The following LRP6 variants were observed in gnomAD, a reference collection of about 807,000 sequenced individuals.
The protein encoded by LRP6 is LDL receptor related protein 6, also known as low-density lipoprotein receptor-related protein 6.
LRP6 carries 43 observed loss-of-function variants against 184.1 expected under a neutral mutation model. The ratio of observed to expected loss-of-function variants is 0.23; its 90% CI spans 0.18 to 0.30. The LOEUF is 0.30. Among genes scored for constraint, LRP6 ranks in the 10% least tolerant of loss-of-function variants. The pLI is 1.00. For missense variants in LRP6, 1,571 were observed against 2,005.3 expected (o/e 0.78, Z 4.14); for synonymous variants, 719 against 684.9 (o/e 1.05, Z -0.78).
At chr12:12,182,061 A>C (rs1863357972) in intron 5 of LRP6, among the ~76,000 whole-genome samples, 1 of 152,212 alleles carries the variant, frequency 6.6e-6, no homozygotes, top group Non-Finnish European at 1.5e-5. Context: ...AAACAGCTGC[A>C]ATGGAGGGAA....
intron 2 of LRP6, among the ~76,000 whole-genome samples, chr12:12,207,098 G>T (rs956715450): frequency 1.8e-4 from 28 of 152,316 alleles, no homozygotes; most frequent in Middle Eastern, 3.4e-3. Context: ...CCAGGTTTGT[G>T]GCATAAACAT....
intron 1 of LRP6, among the ~76,000 whole-genome samples, chr12:12,261,781 T>A (rs545353999): frequency 2.0e-5 from 3 of 152,120 alleles, no homozygotes; most frequent in Non-Finnish European, 2.9e-5. Context: ...ACTCCAAAAT[T>A]TGTTCTACTT....
chr12:12,195,000 C>A (rs1216002213), intron 3 of LRP6, among the ~76,000 whole-genome samples: 2 of 152,064 alleles, frequency 1.3e-5, no homozygotes, highest in Non-Finnish European at 2.9e-5. Flanking sequence ...TAACATCCTC[C>A]AGGTCTATCC....
chr12:12,179,846 T>C lies in LRP6; in HGVS notation c.1509A>G (p.Lys503=). 1 of 1,613,894 alleles carries C rather than the reference T, an allele frequency of 6.2e-7. No homozygotes were observed. Among genetic ancestry groups the C allele is most frequent in the South Asian group, 1.1e-5 (1 of 91,074 alleles). Residue 503 remains lysine, a synonymous_variant, in exon 7 of 23, where the codon AAA becomes AAG. Transcript: ENST00000261349. The stretch of plus-strand genomic sequence containing the variant: ...CTGTTTTGGCATCTCCCCAGTATAT[T>C]TTGCCTTCATCATAATCCAAGGCTA... ...NGLALDYDEG[K]IYWGDAKTDK...
intron 19 of LRP6, among the ~76,000 whole-genome samples, chr12:12,128,815 G>A (rs758634991): frequency 1.9e-4 from 29 of 152,144 alleles, no homozygotes; most frequent in Non-Finnish European, 3.5e-4. Context: ...CACTCAGTGA[G>A]GTACCTGTGG....
intron 2 of LRP6, among the ~76,000 whole-genome samples, chr12:12,239,667 CTT>C (rs751475862): frequency 2.8e-5 from 4 of 143,798 alleles, no homozygotes; most frequent in Admixed American, 7.0e-5. Flanking sequence ...TATTCTTTTT[CTT>C]TTTTTTTTTT....
chr12:12,218,474 CTCAAT>C (rs1242405105), intron 2 of LRP6, among the ~76,000 whole-genome samples: 1 of 94,026 alleles, frequency 1.1e-5, no homozygotes, highest in Non-Finnish European at 2.2e-5. Flanking sequence ...AAGACCCTCT[CTCAAT>C]AATAATAATA....
chr12:12,126,633 A>G, intron 20 of LRP6, 58 bp downstream of exon 20: 1 of 1,317,536 alleles, frequency 7.6e-7, no homozygotes, highest in Non-Finnish European at 1.1e-6. Flanking sequence ...TCCACAATGG[A>G]AACTGGCAGT....
intron 2 of LRP6, among the ~76,000 whole-genome samples, chr12:12,229,034 G>A (rs760011496): frequency 6.6e-6 from 1 of 152,166 alleles, no homozygotes; most frequent in African/African-American, 2.4e-5. Context: ...ACATTCTCAA[G>A]ATCTGCTAGG....
chr12:12,150,224 G>C (rs906199391), intron 13 of LRP6, among the ~76,000 whole-genome samples: 2 of 152,026 alleles, frequency 1.3e-5, no homozygotes, highest in Non-Finnish European at 2.9e-5. Flanking sequence ...GCATGTAAAT[G>C]GGTAAGATTT....
intron 2 of LRP6, among the ~76,000 whole-genome samples, chr12:12,237,601 A>G (rs1359892858): frequency 2.0e-5 from 3 of 152,262 alleles, no homozygotes; most frequent in Non-Finnish European, 4.4e-5. Context: ...TAGTATCCAC[A>G]TAATGTGCCT....
rs1864588462 is a variant in LRP6 at position 12,225,208 on chromosome 12, A to C, written c.449+19054T>G. 3.3e-5 allele frequency among the ~76,000 whole-genome samples: 5 copies of C among 152,126 alleles called. No individual in the cohort carries two copies. In the South Asian group the frequency reaches 1.0e-3, roughly 31 times the overall value. Reference sequence around the variant, plus strand: ...AGCCTGGGCGACAAAGCGAGACTCCACCTGGCCGGGGTGGACGCAGTGGGG... The same window carrying C: ...AGCCTGGGCGACAAAGCGAGACTCCCCCTGGCCGGGGTGGACGCAGTGGGG... On this transcript the variant is annotated intron_variant, in intron 2 of 22. Coordinates refer to ENST00000261349, the MANE Select transcript of LRP6 (RefSeq NM_002336.3).
intron 1 of LRP6, among the ~76,000 whole-genome samples, chr12:12,256,434 T>A (rs1865467534): frequency 6.6e-6 from 1 of 151,666 alleles, no homozygotes; most frequent in African/African-American, 2.4e-5. Context: ...CACCGGAGCC[T>A]GGGAAGGTCC....
chr12:12,157,202 C>T (rs1283961612), intron 12 of LRP6, among the ~76,000 whole-genome samples: 1 of 152,158 alleles, frequency 6.6e-6, no homozygotes, highest in Non-Finnish European at 1.5e-5. Flanking sequence ...AGTCCATCAT[C>T]TATGACACAT....
At chr12:12,208,850 T>C (rs1864133705) in intron 2 of LRP6, among the ~76,000 whole-genome samples, 1 of 152,170 alleles carries the variant, frequency 6.6e-6, no homozygotes, top group South Asian at 2.1e-4. Flanking sequence ...TCTATTATAA[T>C]ATATGAACTA....
At chr12:12,183,915 A>G in intron 5 of LRP6, 65 bp downstream of exon 5, 1 of 1,486,858 alleles carries the variant, frequency 6.7e-7, no homozygotes, top group South Asian at 1.1e-5. Context: ...CTGATTATAG[A>G]GAAAACAAAT....
At chr12:12,154,897 G>A (rs959149193) in intron 12 of LRP6, among the ~76,000 whole-genome samples, 2 of 152,100 alleles carry the variant, frequency 1.3e-5, no homozygotes, top group Admixed American at 6.5e-5. Context: ...CGAGTGCGCT[G>A]AGGATCTGAA....
intron 3 of LRP6, among the ~76,000 whole-genome samples, chr12:12,195,528 C>G (rs1863731541): frequency 6.6e-6 from 1 of 151,996 alleles, no homozygotes; most frequent in Non-Finnish European, 1.5e-5. Flanking sequence ...ATCATTTCCC[C>G]ATTTTTTAAC....
rs556031644 is a variant in LRP6 at position 12,234,634 on chromosome 12, C to T, written c.449+9628G>A. Among the ~76,000 whole-genome samples the T allele has an allele frequency of 7.9e-5, 12 of 152,024 alleles. No individual in the cohort carries two copies. The East Asian group carries it at 2.3e-3, about 30-fold the overall frequency. ...AATCACGAGGTCAGGAGTTTGAGACCAGCCTGACCAACATGGTGAAACCCC... is the reference window on the plus strand; with the variant it reads ...AATCACGAGGTCAGGAGTTTGAGACTAGCCTGACCAACATGGTGAAACCCC... On this transcript the variant is annotated intron_variant, in intron 2 of 22. Transcript: ENST00000261349.
Sources: allele counts gnomAD v4.1 joint callset (sites outside exome capture counted in the v4.1 genomes callset), GRCh38; gene constraint gnomAD v4.1.1; transcripts MANE v1.5; gene names NCBI Gene and HGNC (gene_info 2026-07-23, HGNC 2026-07-21).